The following KCNQ1 variants were observed in gnomAD, a reference collection of about 807,000 sequenced individuals.
KCNQ1 encodes the protein potassium voltage-gated channel subfamily KQT member 1.
Under a neutral mutation model 72.4 loss-of-function variants are expected in KCNQ1, and 49 were observed. The observed-to-expected ratio is 0.68, with a 90% confidence interval of 0.54 to 0.86. The LOEUF (loss-of-function observed/expected upper bound fraction) is 0.86, where lower values mean the gene tolerates loss of function less well. KCNQ1 is among the 40% of genes least tolerant of loss of function. The probability of loss-of-function intolerance (pLI) is 0.00; values close to 1 mark genes in which losing one functional copy is unlikely to be tolerated. For missense variants in KCNQ1, 790 were observed against 945.1 expected (o/e 0.84, Z 2.15); for synonymous variants, 450 against 412.6 (o/e 1.09, Z -1.10).
rs930979541 is a variant in KCNQ1 at position 2,826,503 on chromosome 11, C to T, written c.1795-21264C>T. Among the ~76,000 whole-genome samples, 13 of 152,346 alleles carry T rather than the reference C, an allele frequency of 8.5e-5. No individual in the cohort carries two copies. Among genetic ancestry groups the T allele is most frequent in the South Asian group, 8.3e-4 (4 of 4,826 alleles). On this transcript the variant is annotated intron_variant, in intron 15 of 15. Coordinates refer to ENST00000155840, the MANE Select transcript of KCNQ1 (RefSeq NM_000218.3). This position sits in a 1 kb window ranked among gnomAD's most constrained non-coding sequence, Gnocchi z 4.2. ...AGACCCGGCGTTGGGTGCGCCAGGC[C>T]GGTGTGGGAGCACTTTCCCCCGCCC...
At chr11:2,569,336 G>A (rs1848292044) in intron 2 of KCNQ1, among the ~76,000 whole-genome samples, 1 of 152,206 alleles carries the variant, frequency 6.6e-6, no homozygotes, top group Non-Finnish European at 1.5e-5. Flanking sequence ...CTTATCCATT[G>A]GGCTTGTCCC....
Position 2,759,102 on chromosome 11 carries a change from C to T in KCNQ1, c.1515-9742C>T, listed in dbSNP as rs1222750036. On this transcript the variant is annotated intron_variant, in intron 11 of 15. Coordinates refer to ENST00000155840, the MANE Select transcript of KCNQ1 (RefSeq NM_000218.3). This position sits in a 1 kb window ranked among gnomAD's most constrained non-coding sequence, Gnocchi z 4.4. ...CTCACGTAGAGGGCATACAGGACCT[C>T]TTGGTACTTTTTTTTTTTTTCCCAA... Among the ~76,000 whole-genome samples the T allele has an allele frequency of 4.2e-5, 5 of 118,598 alleles. No homozygotes were observed. The allele number at this position is 118,598 out of a possible 152,430, so 77.8% of individuals were successfully genotyped here.
Position 2,473,365 on chromosome 11 carries a change from C to T in KCNQ1, c.386+27881C>T, listed in dbSNP as rs1846520087. 6.6e-6 allele frequency among the ~76,000 whole-genome samples: 1 copy of T among 152,094 alleles called. No homozygotes were observed. On this transcript the variant is annotated intron_variant, in intron 1 of 15. Transcript: ENST00000155840. The surrounding 1 kb of genome is among the most constrained non-coding windows in gnomAD (Gnocchi z 6.0). The stretch of plus-strand genomic sequence containing the variant: ...CAGGGCTTCCATTCGACCTGAGGCC[C>T]ATGGTGCAGTGAGTCCTGCCTGGAG...
chr11:2,571,320 C>T lies in KCNQ1; in HGVS notation c.605-5C>T. 2 of 1,612,910 alleles carry T rather than the reference C, an allele frequency of 1.2e-6. No individual in the cohort carries two copies. Among genetic ancestry groups the T allele is most frequent in the Non-Finnish European group, 8.5e-7 (1 of 1,179,552 alleles). Reference sequence around the variant, plus strand: ...GAAAAGCTCCCCCTCTCCTGCACTCCACAGACCTCATCGTGGTCGTGGCCT... The same window carrying T: ...GAAAAGCTCCCCCTCTCCTGCACTCTACAGACCTCATCGTGGTCGTGGCCT... On this transcript the variant is annotated splice_region_variant and splice_polypyrimidine_tract_variant and intron_variant, in intron 3 of 15. Transcript: ENST00000155840.
intron 1 of KCNQ1, among the ~76,000 whole-genome samples, chr11:2,527,128 C>G (rs1035527357): frequency 6.6e-6 from 1 of 152,220 alleles, no homozygotes; most frequent in African/African-American, 2.4e-5. Flanking sequence ...CTCTGCGGGC[C>G]CACAGGCCCA....
rs553506092 is a variant in KCNQ1 at position 2,585,086 on chromosome 11, T to TG, written c.1033-119dup. 756 of 834,692 alleles carry TG rather than the reference T, an allele frequency of 9.1e-4. 6 individuals carry two copies. The East Asian group carries it at 0.015, about 17-fold the overall frequency. The allele number at this position is 834,692 out of a possible 1,614,324, so 51.7% of individuals were successfully genotyped here. On this transcript the variant is annotated intron_variant, in intron 7 of 15. Transcript: ENST00000155840. ...GGCAGGCTGGGCCCGAGGTGGGACT[T>TG]GGGGGGGCTTCCAGCACTGACCATA...
chr11:2,681,366 T>G (rs1179809639), intron 11 of KCNQ1: 1 of 398,320 alleles, frequency 2.5e-6, no homozygotes, highest in Non-Finnish European at 4.4e-6. Flanking sequence ...GCTCACTCCA[T>G]GTGGAGGATG....
rs1851015546 is a variant in KCNQ1, at chr11:2,711,962, G to T, written c.1514+49881G>T. Among the ~76,000 whole-genome samples the T allele has an allele frequency of 1.3e-5, 2 of 152,134 alleles. No individual in the cohort carries two copies. Among genetic ancestry groups the T allele is most frequent in the East Asian group, 1.9e-4 (1 of 5,174 alleles). On this transcript the variant is annotated intron_variant, in intron 11 of 15. Transcript: ENST00000155840. This position sits in a 1 kb window ranked among gnomAD's most constrained non-coding sequence, Gnocchi z 5.4. ...TCACCTGTGTCCATCCCCTTGGGCAGCACACAGCCAAGTCCTTTTGGACCA... is the reference window on the plus strand; with the variant it reads ...TCACCTGTGTCCATCCCCTTGGGCATCACACAGCCAAGTCCTTTTGGACCA...
intron 15 of KCNQ1, among the ~76,000 whole-genome samples, chr11:2,797,693 C>T (rs890927156): frequency 5.9e-5 from 9 of 152,104 alleles, no homozygotes; most frequent in East Asian, 1.9e-4. Flanking sequence ...CCCCGGGCCC[C>T]GTACTTCCTC....
At chr11:2,551,574 T>G (rs1014343960) in intron 2 of KCNQ1, among the ~76,000 whole-genome samples, 15 of 152,272 alleles carry the variant, frequency 9.9e-5, no homozygotes, top group African/African-American at 3.4e-4. Flanking sequence ...GCGTGCAGTT[T>G]TTTGAGTAAT....
chr11:2,632,962 G>C (rs1015372904), intron 10 of KCNQ1: 2 of 398,268 alleles, frequency 5.0e-6, no homozygotes, highest in African/African-American at 2.1e-5. Context: ...CTGTATGATA[G>C]TCTACTTTTA....
intron 7 of KCNQ1, 72 bp downstream of exon 7, chr11:2,583,617 C>G (rs772124553): frequency 1.7e-4 from 169 of 1,021,860 alleles, no homozygotes; most frequent in Non-Finnish European, 2.5e-4. Flanking sequence ...GCACGCCCCT[C>G]CCTGTGAGCA....
chr11:2,647,730 A>G lies in KCNQ1; in HGVS notation c.1394-14231A>G. 2.5e-6 allele frequency: 1 copy of G among 398,398 alleles called. No individual in the cohort carries two copies. The highest frequency in any genetic ancestry group is 4.4e-6 in the Non-Finnish European group (1 of 226,034). 24.7% of individuals were successfully genotyped at this position (398,398 alleles called of 1,614,324 possible). ...TCCTGGTTCAATCTTGGGAGGTTAT[A>G]TATGTCCAGGAATTTATCTCTTTCC... is the stretch of plus-strand genomic sequence containing the variant. On this transcript the variant is annotated intron_variant, in intron 10 of 15. Transcript: ENST00000155840. The surrounding 1 kb of genome is among the most constrained non-coding windows in gnomAD (Gnocchi z 4.0).
Position 2,478,569 on chromosome 11 carries a change from A to C in KCNQ1, c.386+33085A>C, listed in dbSNP as rs1384735376. ...CTCGTGAGACTTATTCATTACCATG[A>C]GAACAGCATGGAGGAAACCACCCCC... On this transcript the variant is annotated intron_variant, in intron 1 of 15. Coordinates refer to ENST00000155840, the MANE Select transcript of KCNQ1 (RefSeq NM_000218.3). The surrounding 1 kb of genome is among the most constrained non-coding windows in gnomAD (Gnocchi z 4.0). Among the ~76,000 whole-genome samples the C allele has an allele frequency of 6.6e-6, 1 of 152,182 alleles. No homozygotes were observed. The highest frequency in any genetic ancestry group is 1.5e-5 in the Non-Finnish European group (1 of 68,032).
chr11:2,602,724 T>C lies in KCNQ1; in HGVS notation c.1393+13870T>C, dbSNP rs1208496588. Among the ~76,000 whole-genome samples the C allele has an allele frequency of 1.3e-5, 2 of 152,270 alleles. No individual in the cohort carries two copies. Among genetic ancestry groups the C allele is most frequent in the East Asian group, 1.9e-4 (1 of 5,206 alleles). ...GCCTGTTTGCCATTTTTGTATTCTATGCAGTGAAATTCTTGTTGATATCAT... is the reference window on the plus strand; with the variant it reads ...GCCTGTTTGCCATTTTTGTATTCTACGCAGTGAAATTCTTGTTGATATCAT... On this transcript the variant is annotated intron_variant, in intron 10 of 15. Coordinates refer to ENST00000155840, the MANE Select transcript of KCNQ1 (RefSeq NM_000218.3). The surrounding 1 kb of genome is among the most constrained non-coding windows in gnomAD (Gnocchi z 4.8).
At chr11:2,754,189 T>C (rs1278348253) in intron 11 of KCNQ1, among the ~76,000 whole-genome samples, 1 of 152,218 alleles carries the variant, frequency 6.6e-6, no homozygotes. Flanking sequence ...GGATGTGGAC[T>C]GCCAGAGCGA....
At chr11:2,741,061 G>T (rs1217430321) in intron 11 of KCNQ1, among the ~76,000 whole-genome samples, 1 of 152,198 alleles carries the variant, frequency 6.6e-6, no homozygotes, top group Non-Finnish European at 1.5e-5. Context: ...GCGCCCTGGG[G>T]TGGGGGGTGT....
At chr11:2,625,261 A>C in intron 10 of KCNQ1, 1 of 398,462 alleles carries the variant, frequency 2.5e-6, no homozygotes, top group Non-Finnish European at 4.4e-6. Context: ...TTTATGTGGG[A>C]TTTTTTTGAG....
In KCNQ1 at chr11:2,814,280, G is replaced by GGGATGGATGGAT. The variant is rs375570048; in HGVS notation, c.1795-33474_1795-33463dup. On this transcript the variant is annotated intron_variant, in intron 15 of 15. Transcript: ENST00000155840. ...GCTGAATAAAGGATGGATGGATGGTGGGATGGATGGATGGATGGATGGATA... is the reference window on the plus strand; with the variant it reads ...GCTGAATAAAGGATGGATGGATGGTGGGATGGATGGATGGATGGATGGATGGATGGATGGATA... Among the ~76,000 whole-genome samples the GGGATGGATGGAT allele has an allele frequency of 1.5e-3, 205 of 138,342 alleles. 5 individuals carry two copies. The East Asian group carries it at 0.041, about 28-fold the overall frequency. 90.8% of individuals were successfully genotyped at this position (138,342 alleles called of 152,430 possible).
Sources: gnomAD v4.1 joint callset for allele counts (sites outside exome capture counted in the v4.1 genomes callset) on GRCh38, gnomAD v4.1.1 for gene constraint, Gnocchi (gnomAD v3.1) non-coding constraint, MANE v1.5 for transcripts, NCBI Gene and HGNC (gene_info 2026-07-23, HGNC 2026-07-21) for gene names.